The following PCDH9 variants were observed in gnomAD, a reference collection of about 807,000 sequenced individuals.
PCDH9 encodes protocadherin 9.
A neutral mutation model predicts 70.6 loss-of-function variants in PCDH9; 24 were observed. That is an observed-to-expected ratio of 0.34 (90% CI 0.25 to 0.48). The LOEUF (loss-of-function observed/expected upper bound fraction) is 0.48. Among genes scored for constraint, PCDH9 ranks in the 20% least tolerant of loss-of-function variants. The pLI is 0.99. For synonymous variants in PCDH9, 562 were observed against 558.5 expected (o/e 1.01, Z -0.09); for missense variants, 1,281 against 1,503.6 (o/e 0.85, Z 2.45).
intron 2 of PCDH9, among the ~76,000 whole-genome samples, chr13:67,003,353 G>A (rs2084283300): frequency 1.3e-5 from 2 of 151,610 alleles, no homozygotes; most frequent in Non-Finnish European, 2.9e-5. Context: ...TTTGAATTGG[G>A]CTTTGACAAC....
chr13:66,736,876 A>G (rs145497855), intron 3 of PCDH9, among the ~76,000 whole-genome samples: 31 of 152,306 alleles, frequency 2.0e-4, no homozygotes, highest in African/African-American at 6.7e-4. Context: ...TAACAACTCT[A>G]TCTTCCAGAG....
chr13:67,153,433 C>A (rs1216760146), intron 2 of PCDH9, among the ~76,000 whole-genome samples: 1 of 152,096 alleles, frequency 6.6e-6, no homozygotes, highest in Non-Finnish European at 1.5e-5. Context: ...GCTTCCCAAG[C>A]GTGGGGATTA....
chr13:66,437,644 C>G (rs1957896733), intron 4 of PCDH9, among the ~76,000 whole-genome samples: 1 of 151,904 alleles, frequency 6.6e-6, no homozygotes, highest in Non-Finnish European at 1.5e-5. Context: ...GAAATAGTGA[C>G]TGTTGGTGAG....
chr13:67,136,975 C>T (rs954959584), intron 2 of PCDH9, among the ~76,000 whole-genome samples: 1 of 151,560 alleles, frequency 6.6e-6, no homozygotes, highest in African/African-American at 2.4e-5. Context: ...TGAAAATTAT[C>T]TACATTAGGT....
intron 2 of PCDH9, among the ~76,000 whole-genome samples, chr13:67,073,783 T>A (rs2085816399): frequency 6.6e-6 from 1 of 152,112 alleles, no homozygotes; most frequent in Non-Finnish European, 1.5e-5. Context: ...TATGATACTT[T>A]TCTTGAATGC....
intron 3 of PCDH9, among the ~76,000 whole-genome samples, chr13:66,864,089 G>A (rs1409502117): frequency 2.6e-5 from 4 of 152,024 alleles, no homozygotes; most frequent in African/African-American, 9.7e-5. Context: ...GGAGGTAACT[G>A]CCCCCATAAT....
intron 4 of PCDH9, among the ~76,000 whole-genome samples, chr13:66,620,183 C>A (rs2077404799): frequency 6.6e-6 from 1 of 152,090 alleles, no homozygotes; most frequent in Non-Finnish European, 1.5e-5. Flanking sequence ...AAAATCTGGG[C>A]CCAACCTATG....
At chr13:66,636,896 T>G (rs965009128) in intron 3 of PCDH9, among the ~76,000 whole-genome samples, 3 of 152,114 alleles carry the variant, frequency 2.0e-5, no homozygotes, top group Admixed American at 2.0e-4. Flanking sequence ...AAAGATTTGA[T>G]TTTTCTTTAT....
chr13:66,425,729 A>C (rs940537623), intron 4 of PCDH9, among the ~76,000 whole-genome samples: 3 of 151,760 alleles, frequency 2.0e-5, no homozygotes, highest in Non-Finnish European at 4.4e-5. Flanking sequence ...GGTACAGAAC[A>C]AACCTTTGGA....
intron 2 of PCDH9, among the ~76,000 whole-genome samples, chr13:67,067,796 T>A (rs975786811): frequency 6.6e-6 from 1 of 151,758 alleles, no homozygotes; most frequent in African/African-American, 2.4e-5. Flanking sequence ...GGCAGTTTCA[T>A]CCAAGATATA....
intron 4 of PCDH9, among the ~76,000 whole-genome samples, chr13:66,504,279 C>T: frequency 6.6e-6 from 1 of 152,206 alleles, no homozygotes; most frequent in East Asian, 1.9e-4. Flanking sequence ...TTTATTCAAT[C>T]TTAATAATTA....
At chr13:66,479,402 G>A (rs999074791) in intron 4 of PCDH9, among the ~76,000 whole-genome samples, 1 of 152,178 alleles carries the variant, frequency 6.6e-6, no homozygotes, top group African/African-American at 2.4e-5. Context: ...CATAAGTCTA[G>A]ATCTGCCACA....
At chr13:67,213,206 C>CCAAAAAA (rs2089507616) in intron 2 of PCDH9, 1 of 20,538 alleles carries the variant, frequency 4.9e-5, no homozygotes, top group African/African-American at 1.7e-4. Flanking sequence ...GACTCCGTCA[C>CCAAAAAA]AAAAAAAAAA....
intron 3 of PCDH9, among the ~76,000 whole-genome samples, chr13:66,641,093 G>C (rs2077703180): frequency 6.6e-6 from 1 of 151,964 alleles, no homozygotes; most frequent in Non-Finnish European, 1.5e-5. Flanking sequence ...CAGCTAGGCT[G>C]GTCTCAAACT....
chr13:67,112,787 G>A (rs979845185), intron 2 of PCDH9, among the ~76,000 whole-genome samples: 1 of 151,602 alleles, frequency 6.6e-6, no homozygotes, highest in Non-Finnish European at 1.5e-5. Flanking sequence ...GAACAATCAC[G>A]GTTAACTGCA....
At chr13:66,756,818 A>G (rs528621561) in intron 3 of PCDH9, among the ~76,000 whole-genome samples, 8 of 152,176 alleles carry the variant, frequency 5.3e-5, no homozygotes, top group Middle Eastern at 6.8e-3. Flanking sequence ...AAATGTTGTC[A>G]TGTGATTGAT....
rs370096867 is a variant in PCDH9 at position 67,141,976 on chromosome 13, A to G, written c.3036+83429T>C. On this transcript the variant is annotated intron_variant, in intron 2 of 4. Coordinates refer to ENST00000377865, the MANE Select transcript of PCDH9 (RefSeq NM_203487.3). The stretch of plus-strand genomic sequence containing the variant: ...ACACCATTTATAAATATGGAATTTG[A>G]AATTTTATATAAAATTATATATGAC... 9.9e-5 allele frequency among the ~76,000 whole-genome samples: 15 copies of G among 152,194 alleles called. No homozygotes were observed. In the East Asian group the frequency reaches 1.2e-3, roughly 12 times the overall value.
At chr13:67,167,909 A>C (rs966116078) in intron 2 of PCDH9, among the ~76,000 whole-genome samples, 6 of 152,162 alleles carry the variant, frequency 3.9e-5, no homozygotes. Context: ...ATCAGAAACC[A>C]TGTTTCCCTC....
chr13:67,127,238 AACTC>A (rs2086999231), intron 2 of PCDH9, among the ~76,000 whole-genome samples: 1 of 152,182 alleles, frequency 6.6e-6, no homozygotes, highest in African/African-American at 2.4e-5. Context: ...TGACCCGATG[AACTC>A]AATGGAAAAA....
Sources: allele counts gnomAD v4.1 joint callset (sites outside exome capture counted in the v4.1 genomes callset), GRCh38; gene constraint gnomAD v4.1.1; transcripts MANE v1.5; gene names NCBI Gene and HGNC (gene_info 2026-07-23, HGNC 2026-07-21).